Variants in TNFRSF9 observed in about 807,000 individuals in gnomAD.
TNFRSF9 encodes the protein tumor necrosis factor receptor superfamily member 9.
TNFRSF9 carries 16 observed loss-of-function variants against 28.8 expected under a neutral mutation model. The ratio of observed to expected loss-of-function variants is 0.55; its 90% CI spans 0.38 to 0.84. The LOEUF is 0.84. Among genes scored for constraint, TNFRSF9 ranks in the 40% least tolerant of loss-of-function variants. TNFRSF9 has a pLI of 0.00. For synonymous variants in TNFRSF9, 131 were observed against 117.0 expected (o/e 1.12, Z -0.77); for missense variants, 303 against 315.0 (o/e 0.96, Z 0.29).
At chr1:7,937,969 G>A (rs917360048) in intron 4 of TNFRSF9, among the ~76,000 whole-genome samples, 1 of 152,026 alleles carries the variant, frequency 6.6e-6, no homozygotes, top group Admixed American at 6.6e-5. Flanking sequence ...TAATGGTTCT[G>A]GCAATTAACA....
chr1:7,920,587 G>A lies in TNFRSF9; in HGVS notation c.*248C>T. 2.4e-6 allele frequency: 1 copy of A among 411,108 alleles called. No individual in the cohort carries two copies. The highest frequency in any genetic ancestry group is 2.8e-5 in the South Asian group (1 of 35,322). 25.5% of individuals were successfully genotyped at this position (411,108 alleles called of 1,614,324 possible). ...ATCACTTGAGCTCCCAGAGGTCAAG[G>A]CTGCAGAGAGCCATGGTGGTGCCAC... On this transcript the variant is annotated 3_prime_UTR_variant, in exon 8 of 8. Transcript: ENST00000377507.
chr1:7,923,576 C>T lies in TNFRSF9; in HGVS notation c.680-2653G>A, dbSNP rs979282041. Among the ~76,000 whole-genome samples the T allele has an allele frequency of 6.6e-5, 10 of 152,288 alleles. No homozygotes were observed. The East Asian group carries it at 1.4e-3, about 21-fold the overall frequency. On this transcript the variant is annotated intron_variant, in intron 7 of 7. Transcript: ENST00000377507. ...TCCAGAAACTGGGTGTGGGGGCTCA[C>T]GCCTGTAATCCCAATACTATGGGGG...
chr1:7,939,809 G>C, intron 2 of TNFRSF9, 86 bp downstream of exon 2: 2 of 954,790 alleles, frequency 2.1e-6, no homozygotes, highest in Non-Finnish European at 3.1e-6. Flanking sequence ...TTCCTTAAAA[G>C]GGAGCTCGTT....
At chr1:7,929,669 G>A (rs6684053) in intron 7 of TNFRSF9, among the ~76,000 whole-genome samples, 1 of 152,170 alleles carries the variant, frequency 6.6e-6, no homozygotes, top group Non-Finnish European at 1.5e-5. Context: ...AGACAGATAA[G>A]TGGTTGCCAG....
At chr1:7,922,627 C>A (rs906735467) in intron 7 of TNFRSF9, among the ~76,000 whole-genome samples, 1 of 152,050 alleles carries the variant, frequency 6.6e-6, no homozygotes, top group African/African-American at 2.4e-5. Flanking sequence ...GCCTGGCCAA[C>A]ATGGCGAAAC....
At chr1:7,929,402 G>A (rs534787893) in intron 7 of TNFRSF9, among the ~76,000 whole-genome samples, 64 of 151,870 alleles carry the variant, frequency 4.2e-4, no homozygotes, top group African/African-American at 1.5e-3. Context: ...CCTGACCTCA[G>A]GTGATCCATC....
Position 7,937,681 on chromosome 1 carries a change from T to C in TNFRSF9, c.413+9A>G. 6.2e-7 allele frequency: 1 copy of C among 1,611,074 alleles called. No homozygotes were observed. The highest frequency in any genetic ancestry group is 8.5e-7 in the Non-Finnish European group (1 of 1,177,458). On this transcript the variant is annotated intron_variant, in intron 5 of 7. Coordinates refer to ENST00000377507, the MANE Select transcript of TNFRSF9 (RefSeq NM_001561.6). Reference sequence around the variant, plus strand: ...CTTTATTCCATAAACTAAAGGAAATTATACGTACTTTGTCCAGGGTCGACA... The same window carrying C: ...CTTTATTCCATAAACTAAAGGAAATCATACGTACTTTGTCCAGGGTCGACA...
At chr1:7,933,503 G>T (rs1189547718) in intron 6 of TNFRSF9, among the ~76,000 whole-genome samples, 1 of 151,790 alleles carries the variant, frequency 6.6e-6, no homozygotes, top group Non-Finnish European at 1.5e-5. Context: ...TTGGAAGGCC[G>T]AGGCAGGAGG....
intron 7 of TNFRSF9, among the ~76,000 whole-genome samples, chr1:7,928,580 G>A (rs1639687360): frequency 6.6e-6 from 1 of 152,218 alleles, no homozygotes; most frequent in Admixed American, 6.5e-5. Flanking sequence ...AATCAAAATG[G>A]AGTAACTTGT....
chr1:7,930,953 A>C (rs1052466930), intron 7 of TNFRSF9, among the ~76,000 whole-genome samples: 2 of 152,234 alleles, frequency 1.3e-5, no homozygotes, highest in African/African-American at 4.8e-5. Context: ...CAATCCTATG[A>C]GAAAATACTC....
In TNFRSF9 at chr1:7,918,421, C is replaced by T. The variant is rs1429464525; in HGVS notation, c.*2414G>A. ...TGAGAAAAGGTTTTTCTCTGTTGCC[C>T]AGGCTGAAGTGTAGTGATGCGGTCC... On this transcript the variant is annotated 3_prime_UTR_variant, in exon 8 of 8. Coordinates refer to ENST00000377507, the MANE Select transcript of TNFRSF9 (RefSeq NM_001561.6). The T allele has an allele frequency of 1.3e-5, 2 of 152,118 alleles. No homozygotes were observed. The highest frequency in any genetic ancestry group is 2.9e-5 in the Non-Finnish European group (2 of 68,044). 9.4% of individuals were successfully genotyped at this position (152,118 alleles called of 1,614,324 possible). A position where few individuals can be genotyped will look rare whatever the true frequency, so the allele number is the denominator to read the frequency against.
Position 7,935,021 on chromosome 1 carries a change from C to G in TNFRSF9, c.536G>C (p.Arg179Thr). 1 of 1,614,174 alleles carries G rather than the reference C, an allele frequency of 6.2e-7. No homozygotes were observed. Among genetic ancestry groups the G allele is most frequent in the African/African-American group, 1.3e-5 (1 of 75,068 alleles). The change falls in exon 6 of 8, where the codon AGA becomes ACA. Residue 179 changes from arginine to threonine, a missense_variant. Physicochemically the swap from Arg to Thr is moderately conservative, Grantham distance 71 (BLOSUM62 -1). Coordinates refer to ENST00000377507, the MANE Select transcript of TNFRSF9 (RefSeq NM_001561.6). ...AGGCATAGCCCAGTTACCTGGCTCT[C>G]TCGCAGGGGCAGGCGGGGTCACAGA... ...ASSVTPPAPAREPGHSPQIIS... is the reference protein window; with the variant it reads ...ASSVTPPAPATEPGHSPQIIS...
Position 7,916,498 on chromosome 1 carries a change from C to T in TNFRSF9, c.*4337G>A, listed in dbSNP as rs1639479259. The T allele has an allele frequency of 6.6e-6, 1 of 152,184 alleles. No homozygotes were observed. Among genetic ancestry groups the T allele is most frequent in the South Asian group, 2.1e-4 (1 of 4,832 alleles). 9.4% of individuals were successfully genotyped at this position (152,184 alleles called of 1,614,324 possible). A position where few individuals can be genotyped will look rare whatever the true frequency, so the allele number is the denominator to read the frequency against. Reference sequence around the variant, plus strand: ...TAAACTGTGGATTTTCGGTGTGTAACCTAGGACACATGAGAGCCTCGCTCC... The same window carrying T: ...TAAACTGTGGATTTTCGGTGTGTAATCTAGGACACATGAGAGCCTCGCTCC... On this transcript the variant is annotated 3_prime_UTR_variant, in exon 8 of 8. Coordinates refer to ENST00000377507, the MANE Select transcript of TNFRSF9 (RefSeq NM_001561.6).
chr1:7,935,131 A>G lies in TNFRSF9; in HGVS notation c.426T>C (p.Asp142=). The G allele has an allele frequency of 6.2e-7, 1 of 1,614,226 alleles. No individual in the cohort carries two copies. The highest frequency in any genetic ancestry group is 8.5e-7 in the Non-Finnish European group (1 of 1,180,034). The change falls in exon 6 of 8, where the codon GAT becomes GAC. Residue 142 remains aspartate, a synonymous_variant. Transcript: ENST00000377507. The stretch of plus-strand genomic sequence containing the variant: ...TCCCATTCACAAGCACAGACTTTCC[A>G]TCCAAAGAACAGCTTAGACAGTTCA... The part of the protein sequence containing the change: ...ICRPWTNCSL[D]GKSVLVNGTK...
intron 7 of TNFRSF9, among the ~76,000 whole-genome samples, chr1:7,925,094 A>G (rs1049475417): frequency 1.3e-5 from 2 of 152,072 alleles, no homozygotes; most frequent in African/African-American, 4.8e-5. Context: ...TGGGCAGATT[A>G]CCGGAGCTCA....
Position 7,920,762 on chromosome 1 carries a change from G to T in TNFRSF9, c.*73C>A. On this transcript the variant is annotated 3_prime_UTR_variant, in exon 8 of 8. Transcript: ENST00000377507. ...TAGGATGGTGTTCTTGCTTTTGAAAGCTGTGATAGCGGATGACTCATATTT... is the reference window on the plus strand; with the variant it reads ...TAGGATGGTGTTCTTGCTTTTGAAATCTGTGATAGCGGATGACTCATATTT... 1.7e-6 allele frequency: 2 copies of T among 1,193,868 alleles called. No individual in the cohort carries two copies. The highest frequency in any genetic ancestry group is 1.2e-5 in the South Asian group (1 of 81,490). 74.0% of individuals were successfully genotyped at this position (1,193,868 alleles called of 1,614,324 possible).
chr1:7,925,006 T>TA (rs1553339885), intron 7 of TNFRSF9, among the ~76,000 whole-genome samples: 5 of 152,178 alleles, frequency 3.3e-5, no homozygotes, highest in African/African-American at 1.2e-4. Context: ...GTCAAAAAGT[T>TA]AAAAAAAATT....
At chr1:7,938,078 T>A (rs1639848568) in intron 4 of TNFRSF9, 115 bp downstream of exon 4, 1 of 880,580 alleles carries the variant, frequency 1.1e-6, no homozygotes. Flanking sequence ...TATCATATAC[T>A]CCCTTGTTAC....
rs773741248 is a variant in TNFRSF9, at chr1:7,938,242, G to A, written c.297C>T (p.Cys99=). The A allele has an allele frequency of 1.9e-6, 3 of 1,606,916 alleles. No homozygotes were observed. Among genetic ancestry groups the A allele is most frequent in the East Asian group, 4.5e-5 (2 of 44,362 alleles). ...TPGFHCLGAG[C]SMCEQDCKQG... is the part of the protein sequence containing the mutation. ...GTTTACAATCCTGTTCACACATGCTGCATCCTGCCCCCAGGCAGTGAAACC... is the reference window on the plus strand; with the variant it reads ...GTTTACAATCCTGTTCACACATGCTACATCCTGCCCCCAGGCAGTGAAACC... Residue 99 remains cysteine, a synonymous_variant, in exon 4 of 8, where the codon TGC becomes TGT. Transcript: ENST00000377507.
Sources: allele counts gnomAD v4.1 joint callset (sites outside exome capture counted in the v4.1 genomes callset), GRCh38; gene constraint gnomAD v4.1.1; transcripts MANE v1.5; gene names NCBI Gene and HGNC (gene_info 2026-07-23, HGNC 2026-07-21).